The following PMEPA1 variants were observed in gnomAD, a reference collection of about 807,000 sequenced individuals.
PMEPA1 encodes the protein protein TMEPAI.
Under a neutral mutation model 23.0 loss-of-function variants are expected in PMEPA1, and 11 were observed. That is an observed-to-expected ratio of 0.48 (90% CI 0.30 to 0.79). PMEPA1 has a LOEUF of 0.79. Among genes scored for constraint, PMEPA1 ranks in the 30% least tolerant of loss-of-function variants. The probability of loss-of-function intolerance (pLI) is 0.06; values close to 1 mark genes in which losing one functional copy is unlikely to be tolerated. For synonymous variants in PMEPA1, 204 were observed against 166.4 expected (o/e 1.23, Z -1.74); for missense variants, 377 against 390.9 (o/e 0.96, Z 0.30).
At chr20:57,668,328 A>G (rs2146661582) in intron 1 of PMEPA1, among the ~76,000 whole-genome samples, 1 of 152,340 alleles carries the variant, frequency 6.6e-6, no homozygotes, top group East Asian at 1.9e-4. Flanking sequence ...AAGTCCTCGC[A>G]TTGCCATTTG....
intron 1 of PMEPA1, among the ~76,000 whole-genome samples, chr20:57,690,942 G>A (rs964482009): frequency 1.3e-5 from 2 of 152,180 alleles, no homozygotes; most frequent in African/African-American, 4.8e-5. Context: ...TCTACACCCC[G>A]AGGCCTGGGG....
intron 1 of PMEPA1, among the ~76,000 whole-genome samples, chr20:57,673,428 C>G (rs2071595981): frequency 6.6e-6 from 1 of 152,192 alleles, no homozygotes; most frequent in African/African-American, 2.4e-5. Flanking sequence ...TTTCCTCGGT[C>G]TATGTCTTGC....
intron 1 of PMEPA1, among the ~76,000 whole-genome samples, chr20:57,706,660 A>G (rs756471026): frequency 1.6e-4 from 24 of 152,114 alleles, no homozygotes; most frequent in Non-Finnish European, 3.1e-4. Flanking sequence ...CCAGCCCCCA[A>G]TTTCAAGGAG....
intron 1 of PMEPA1, among the ~76,000 whole-genome samples, chr20:57,678,390 G>A (rs566445372): frequency 1.3e-5 from 2 of 152,242 alleles, no homozygotes; most frequent in Non-Finnish European, 2.9e-5. Context: ...ACAAGTGAAC[G>A]GTCTGGGAGT....
intron 1 of PMEPA1, among the ~76,000 whole-genome samples, chr20:57,667,399 G>C (rs549380323): frequency 6.6e-6 from 1 of 152,148 alleles, no homozygotes; most frequent in Non-Finnish European, 1.5e-5. Context: ...GGCACTAGGC[G>C]GGGAGGTGCG....
intron 1 of PMEPA1, among the ~76,000 whole-genome samples, chr20:57,669,352 G>A (rs769372950): frequency 1.3e-5 from 2 of 152,022 alleles, no homozygotes; most frequent in African/African-American, 4.8e-5. Context: ...GTACAGACGG[G>A]GTTTCACCAT....
At chr20:57,659,149 C>T (rs1380577499) in intron 2 of PMEPA1, among the ~76,000 whole-genome samples, 1 of 149,716 alleles carries the variant, frequency 6.7e-6, no homozygotes, top group East Asian at 2.0e-4. Flanking sequence ...GCATCTCCTG[C>T]ATGGCGCTAT....
chr20:57,659,526 G>A lies in PMEPA1; in HGVS notation c.264+17C>T. The A allele has an allele frequency of 6.2e-7, 1 of 1,611,770 alleles. No individual in the cohort carries two copies. Among genetic ancestry groups the A allele is most frequent in the South Asian group, 1.1e-5 (1 of 90,952 alleles). ...TGCCGCACCCTCAGGCCACAGATGG[G>A]ATGGCGGGGCACTTACTGAGGACAG... On this transcript the variant is annotated intron_variant, in intron 2 of 3. Coordinates refer to ENST00000341744, the MANE Select transcript of PMEPA1 (RefSeq NM_020182.5).
At chr20:57,696,617 G>T (rs1326880316) in intron 1 of PMEPA1, among the ~76,000 whole-genome samples, 1 of 152,222 alleles carries the variant, frequency 6.6e-6, no homozygotes, top group African/African-American at 2.4e-5. Flanking sequence ...TCACCGGCAA[G>T]AACCCAGAAA....
intron 1 of PMEPA1, among the ~76,000 whole-genome samples, chr20:57,703,114 G>T (rs1274080005): frequency 1.3e-5 from 2 of 152,230 alleles, no homozygotes; most frequent in Non-Finnish European, 2.9e-5. Context: ...AAATGAGGTT[G>T]ACTGTCAGTA....
chr20:57,693,202 C>T (rs1021149582), intron 1 of PMEPA1, among the ~76,000 whole-genome samples: 5 of 152,194 alleles, frequency 3.3e-5, no homozygotes, highest in Non-Finnish European at 5.9e-5. Context: ...AGTACCTCTG[C>T]GGGCTGCCAT....
intron 1 of PMEPA1, among the ~76,000 whole-genome samples, chr20:57,697,256 C>T (rs2071953749): frequency 6.6e-6 from 1 of 152,214 alleles, no homozygotes; most frequent in African/African-American, 2.4e-5. Context: ...ACCCGATGGT[C>T]AACAAGTGTC....
intron 1 of PMEPA1, among the ~76,000 whole-genome samples, chr20:57,660,105 C>T (rs552605683): frequency 8.7e-4 from 133 of 152,284 alleles, no homozygotes; most frequent in Non-Finnish European, 1.6e-3. Flanking sequence ...GCTCCTGTCG[C>T]TGGGCAAAGG....
At position 57,677,261 on chromosome 20, in the gene PMEPA1, T is replaced by C. The variant is rs116209394; in HGVS notation, c.110-17564A>G. Among the ~76,000 whole-genome samples the C allele has an allele frequency of 6.5e-3, 995 of 152,298 alleles. 11 individuals are homozygous for C. The highest frequency in any genetic ancestry group is 0.023 in the African/African-American group (951 of 41,558). ...TGTCTCCACTTCCTTGTCTGTACCA[T>C]GGAGTGAACTATGGCCCCGTCTCAT... On this transcript the variant is annotated intron_variant, in intron 1 of 3. Transcript: ENST00000341744.
At chr20:57,671,441 C>A (rs1379006246) in intron 1 of PMEPA1, among the ~76,000 whole-genome samples, 1 of 152,112 alleles carries the variant, frequency 6.6e-6, no homozygotes, top group Non-Finnish European at 1.5e-5. Context: ...CAACATTACA[C>A]AAGCACTTCA....
chr20:57,707,030 GGCTTAAGGACCTA>G (rs2072099784), intron 1 of PMEPA1, among the ~76,000 whole-genome samples: 1 of 152,088 alleles, frequency 6.6e-6, no homozygotes, highest in African/African-American at 2.4e-5. Flanking sequence ...GGCCCATCAT[GGCTTAAGGACCTA>G]GCAAGGTCAA....
At chr20:57,674,011 T>C (rs968863121) in intron 1 of PMEPA1, among the ~76,000 whole-genome samples, 3 of 152,144 alleles carry the variant, frequency 2.0e-5, no homozygotes, top group South Asian at 4.1e-4. Flanking sequence ...TTGTTGCTAA[T>C]AGTAACATTA....
At chr20:57,690,511 T>C in intron 1 of PMEPA1, 1 of 1,299,212 alleles carries the variant, frequency 7.7e-7, no homozygotes, top group East Asian at 5.6e-5. Context: ...AGCCATGCTA[T>C]TTTTATTGTG....
In PMEPA1 at chr20:57,656,305, C is replaced by A. The variant is rs913651882; in HGVS notation, c.265-3219G>T. On this transcript the variant is annotated intron_variant, in intron 2 of 3. Coordinates refer to ENST00000341744, the MANE Select transcript of PMEPA1 (RefSeq NM_020182.5). This position sits in a 1 kb window ranked among gnomAD's most constrained non-coding sequence, Gnocchi z 4.7. The stretch of plus-strand genomic sequence containing the variant: ...CTCCCGCTGCTGGCAGATTGTCGCA[C>A]ATTGGCCTGGCCACAGTCTTGTCCC... Among the ~76,000 whole-genome samples the A allele has an allele frequency of 7.3e-5, 11 of 151,436 alleles. No individual in the cohort carries two copies. Among genetic ancestry groups the A allele is most frequent in the African/African-American group, 2.7e-4 (11 of 41,290 alleles).
Sources: allele counts gnomAD v4.1 joint callset (sites outside exome capture counted in the v4.1 genomes callset), GRCh38; gene constraint gnomAD v4.1.1; non-coding constraint Gnocchi (gnomAD v3.1); transcripts MANE v1.5; gene names NCBI Gene and HGNC (gene_info 2026-07-23, HGNC 2026-07-21).